RXFP1: variants seen among roughly 807,000 people sequenced by gnomAD.
The protein encoded by RXFP1 is relaxin receptor 1.
In RXFP1, 73 loss-of-function variants were observed where a neutral mutation model predicts 89.8. That is an observed-to-expected ratio of 0.81 (90% CI 0.67 to 0.99). RXFP1 has a LOEUF of 0.99. Among genes scored for constraint, RXFP1 ranks in the 50% least tolerant of loss-of-function variants. The probability of loss-of-function intolerance (pLI) is 0.00; values close to 1 mark genes in which losing one functional copy is unlikely to be tolerated. For synonymous variants in RXFP1, 277 were observed against 305.5 expected, an observed-to-expected ratio of 0.91 and a Z score of 0.97; for missense variants, 793 against 895.5, an observed-to-expected ratio of 0.89 and a Z score of 1.46.
At chr4:158,626,964 T>C in intron 10 of RXFP1, 73 bp downstream of exon 10, 3 of 736,000 alleles carry the variant, frequency 4.1e-6, no homozygotes, top group Non-Finnish European at 6.3e-6. Flanking sequence ...ACCCATTTTA[T>C]GGAAAAAAAA....
At chr4:158,580,262 G>C (rs1291152920) in intron 2 of RXFP1, among the ~76,000 whole-genome samples, 1 of 152,146 alleles carries the variant, frequency 6.6e-6, no homozygotes, top group African/African-American at 2.4e-5. Context: ...AATCAGAGGA[G>C]CTCTAGGTCT....
intron 3 of RXFP1, among the ~76,000 whole-genome samples, chr4:158,595,635 AT>A (rs1420102188): frequency 2.0e-5 from 3 of 152,246 alleles, no homozygotes; most frequent in African/African-American, 7.2e-5. Context: ...CCTTTGCTAT[AT>A]TTTTTTCTTC....
rs865908753 is a variant in RXFP1 at position 158,598,866 on chromosome 4, C to G, written c.287-460C>G. Among the ~76,000 whole-genome samples the G allele has an allele frequency of 1.3e-4, 19 of 151,320 alleles. 1 individual carries two copies. Among genetic ancestry groups the G allele is most frequent in the African/African-American group, 4.6e-4 (19 of 41,240 alleles). On this transcript the variant is annotated intron_variant, in intron 3 of 17. Transcript: ENST00000307765. ...ACACTATCATTTGCCTTTAGTTCTC[C>G]TCGTTCTTGCTAGTTAAAAGTGATT...
intron 3 of RXFP1, among the ~76,000 whole-genome samples, chr4:158,597,561 T>A (rs1760870322): frequency 6.6e-6 from 1 of 152,224 alleles, no homozygotes; most frequent in Admixed American, 6.5e-5. Context: ...TTTAAAATAT[T>A]CCATGTAATA....
At chr4:158,636,602 C>G (rs918536780) in intron 12 of RXFP1, among the ~76,000 whole-genome samples, 1 of 152,078 alleles carries the variant, frequency 6.6e-6, no homozygotes, top group South Asian at 2.1e-4. Context: ...CCTGTGAGGC[C>G]AATGCTATTG....
chr4:158,581,815 A>C (rs555596415), intron 2 of RXFP1, among the ~76,000 whole-genome samples: 1 of 152,238 alleles, frequency 6.6e-6, no homozygotes, highest in East Asian at 1.9e-4. Context: ...TGAAGAAAAG[A>C]GGTTTATTTG....
chr4:158,627,223 T>G (rs1056189399), intron 10 of RXFP1, among the ~76,000 whole-genome samples: 1 of 152,174 alleles, frequency 6.6e-6, no homozygotes, highest in Non-Finnish European at 1.5e-5. Context: ...TTCCTTCTTA[T>G]GCATCTCTGG....
chr4:158,622,640 A>AT (rs767906026), intron 9 of RXFP1, among the ~76,000 whole-genome samples: 5 of 152,198 alleles, frequency 3.3e-5, no homozygotes, highest in Non-Finnish European at 7.3e-5. Context: ...GCGTAATCTC[A>AT]TTTATACGTG....
intron 2 of RXFP1, among the ~76,000 whole-genome samples, chr4:158,580,650 T>A (rs1276718910): frequency 6.6e-6 from 1 of 152,214 alleles, no homozygotes; most frequent in Non-Finnish European, 1.5e-5. Flanking sequence ...TCCTTCCCAA[T>A]GTGATCTTAA....
chr4:158,522,037 C>G lies in RXFP1; in HGVS notation c.49+12C>G. On this transcript the variant is annotated intron_variant, in intron 1 of 17. Transcript: ENST00000307765. ...TTTTGGAAAATATTGTAAGTATGCT[C>G]AGTATCTAATTTTGTATACCTTAGT... 1 of 1,515,998 alleles carries G rather than the reference C, an allele frequency of 6.6e-7. No homozygotes were observed. Among genetic ancestry groups the G allele is most frequent in the Non-Finnish European group, 9.2e-7 (1 of 1,092,670 alleles). 93.9% of individuals were successfully genotyped at this position (1,515,998 alleles called of 1,614,324 possible).
At chr4:158,548,298 G>T (rs1332933357) in intron 1 of RXFP1, among the ~76,000 whole-genome samples, 2 of 152,010 alleles carry the variant, frequency 1.3e-5, no homozygotes, top group African/African-American at 2.4e-5. Flanking sequence ...GTTTCCATTT[G>T]CTTGGTAGAT....
intron 3 of RXFP1, 56 bp from the exon 4 acceptor site, chr4:158,599,270 C>T: frequency 1.9e-6 from 3 of 1,607,268 alleles, no homozygotes; most frequent in South Asian, 1.1e-5. Context: ...TTTTCATTAC[C>T]CTCCTCTTCC....
intron 11 of RXFP1, among the ~76,000 whole-genome samples, chr4:158,632,203 GTAAC>G (rs1768177393): frequency 6.6e-6 from 1 of 152,114 alleles, no homozygotes; most frequent in African/African-American, 2.4e-5. Flanking sequence ...CGATAAATAT[GTAAC>G]TAACAGCAAT....
chr4:158,621,229 G>A lies in RXFP1; in HGVS notation c.755+4024G>A, dbSNP rs145801066. ...CAGGAGGCTGAAGTGGGAGGATAGC[G>A]TGAGCCTGAGAGATCAAGGCTTAAA... On this transcript the variant is annotated intron_variant, in intron 9 of 17. Coordinates refer to ENST00000307765, the MANE Select transcript of RXFP1 (RefSeq NM_021634.4). Among the ~76,000 whole-genome samples the A allele has an allele frequency of 2.5e-3, 375 of 152,210 alleles. 4 individuals are homozygous for A. Among genetic ancestry groups the A allele is most frequent in the African/African-American group, 8.3e-3 (344 of 41,528 alleles).
intron 1 of RXFP1, among the ~76,000 whole-genome samples, chr4:158,565,408 T>C (rs1421889360): frequency 6.6e-6 from 1 of 152,070 alleles, no homozygotes; most frequent in South Asian, 2.1e-4. Flanking sequence ...AGAGACCTGG[T>C]GGCAGTGATA....
chr4:158,598,379 A>G (rs191775450), intron 3 of RXFP1, among the ~76,000 whole-genome samples: 23 of 152,246 alleles, frequency 1.5e-4, no homozygotes, highest in African/African-American at 5.5e-4. Context: ...ATCTGGACAC[A>G]GTCTACAGTG....
chr4:158,542,403 GC>G (rs1747030073), intron 1 of RXFP1, among the ~76,000 whole-genome samples: 1 of 152,014 alleles, frequency 6.6e-6, no homozygotes, highest in Non-Finnish European at 1.5e-5. Flanking sequence ...TCTGATGCAA[GC>G]ATACTTGTAT....
intron 17 of RXFP1, among the ~76,000 whole-genome samples, chr4:158,651,264 T>G (rs1483023102): frequency 2.0e-5 from 3 of 152,182 alleles, no homozygotes; most frequent in Admixed American, 2.0e-4. Flanking sequence ...GAAATAAATA[T>G]CTGGTCAAAA....
intron 1 of RXFP1, among the ~76,000 whole-genome samples, chr4:158,567,547 A>G (rs556040206): frequency 2.0e-5 from 3 of 152,056 alleles, no homozygotes; most frequent in Admixed American, 6.5e-5. Flanking sequence ...GACTTGGAGA[A>G]CCTTTATGTC....
Sources: allele counts gnomAD v4.1 joint callset (sites outside exome capture counted in the v4.1 genomes callset), GRCh38; gene constraint gnomAD v4.1.1; transcripts MANE v1.5; gene names NCBI Gene and HGNC (gene_info 2026-07-23, HGNC 2026-07-21).